Variants in NFKB1 observed in about 807,000 individuals in gnomAD.
The protein encoded by NFKB1 is nuclear factor NF-kappa-B p105 subunit.
A neutral mutation model predicts 105.1 loss-of-function variants in NFKB1; 9 were observed. That is an observed-to-expected ratio of 0.09 (90% CI 0.05 to 0.15). The LOEUF (loss-of-function observed/expected upper bound fraction) is 0.15, where lower values mean the gene tolerates loss of function less well. Ranked by LOEUF, NFKB1 falls within the 10% of genes least tolerant of loss-of-function variation. The probability of loss-of-function intolerance (pLI) is 1.00; values close to 1 mark genes in which losing one functional copy is unlikely to be tolerated. For missense variants in NFKB1, 830 were observed against 1,203.7 expected, an observed-to-expected ratio of 0.69 and a Z score of 4.59; for synonymous variants, 440 against 442.2, an observed-to-expected ratio of 1.00 and a Z score of 0.06.
chr4:102,606,098 TA>T (rs1054213949), intron 16 of NFKB1, among the ~76,000 whole-genome samples: 1 of 152,208 alleles, frequency 6.6e-6, no homozygotes, highest in African/African-American at 2.4e-5. Context: ...TTAAGACTTG[TA>T]AATATGAAAA....
chr4:102,575,044 A>G (rs1724702044), intron 6 of NFKB1, among the ~76,000 whole-genome samples: 1 of 152,198 alleles, frequency 6.6e-6, no homozygotes, highest in African/African-American at 2.4e-5. Flanking sequence ...GCCAAAAGAT[A>G]TAGGTATTGT....
At chr4:102,530,094 C>T (rs1186866711) in intron 3 of NFKB1, among the ~76,000 whole-genome samples, 180 bp downstream of exon 3, 2 of 152,196 alleles carry the variant, frequency 1.3e-5, no homozygotes, top group Non-Finnish European at 1.5e-5. Context: ...AATATTTCAT[C>T]TCAATTACCC....
chr4:102,575,647 ATGTTCATGTCT>A (rs972595737), intron 6 of NFKB1, among the ~76,000 whole-genome samples: 2 of 152,122 alleles, frequency 1.3e-5, no homozygotes, highest in Non-Finnish European at 2.9e-5. Flanking sequence ...CATCATTCAT[ATGTTCATGTCT>A]TCCCCATCGC....
At chr4:102,598,884 A>G (rs549067944) in intron 15 of NFKB1, among the ~76,000 whole-genome samples, 31 of 152,198 alleles carry the variant, frequency 2.0e-4, no homozygotes, top group Non-Finnish European at 1.0e-4. Context: ...ACCCAAGCAC[A>G]CTCACACAAG....
In NFKB1 at chr4:102,616,919, G is replaced by A. The variant is rs570824008; in HGVS notation, c.*325G>A. 72 of 196,050 alleles carry A rather than the reference G, an allele frequency of 3.7e-4. 2 individuals are homozygous for A. In the Middle Eastern group the frequency reaches 0.01, roughly 28 times the overall value. 12.1% of individuals were successfully genotyped at this position (196,050 alleles called of 1,614,324 possible). ...GTCATTGCTGTTGTCCCTCTGCTAC[G>A]TTCCTATTGTCATTAAAGGTATCAC... is the stretch of plus-strand genomic sequence containing the variant. On this transcript the variant is annotated 3_prime_UTR_variant, in exon 24 of 24. Coordinates refer to ENST00000226574, the MANE Select transcript of NFKB1 (RefSeq NM_003998.4).
intron 1 of NFKB1, among the ~76,000 whole-genome samples, chr4:102,512,921 A>G (rs34802427): frequency 9.7e-4 from 148 of 152,340 alleles, no homozygotes; most frequent in African/African-American, 3.2e-3. Flanking sequence ...ATAAAAATCT[A>G]AAGTCATATT....
At chr4:102,607,549 G>A in intron 18 of NFKB1, 100 bp from the exon 19 acceptor site, 1 of 1,294,446 alleles carries the variant, frequency 7.7e-7, no homozygotes, top group South Asian at 1.2e-5. Context: ...GTAGCAATTG[G>A]GCTAGTAATA....
chr4:102,511,441 G>T (rs57383933), intron 1 of NFKB1, among the ~76,000 whole-genome samples: 1 of 152,158 alleles, frequency 6.6e-6, no homozygotes, highest in African/African-American at 2.4e-5. Flanking sequence ...TCAGGAGGCC[G>T]AGAAGGGAGG....
chr4:102,565,306 A>G (rs1243109416), intron 5 of NFKB1, among the ~76,000 whole-genome samples: 1 of 152,162 alleles, frequency 6.6e-6, no homozygotes, highest in Non-Finnish European at 1.5e-5. Context: ...CAGCAGTTCT[A>G]GCCAAGTGCA....
intron 4 of NFKB1, among the ~76,000 whole-genome samples, chr4:102,536,554 C>CA (rs1377622128): frequency 6.6e-6 from 1 of 152,180 alleles, no homozygotes; most frequent in Admixed American, 6.5e-5. Context: ...CTGGACTGCT[C>CA]AGAGACTGCA....
At chr4:102,577,783 C>CA in intron 7 of NFKB1, 1 of 984,296 alleles carries the variant, frequency 1.0e-6, no homozygotes, top group Non-Finnish European at 1.2e-6. Context: ...GGCTGTGGTC[C>CA]AGCCATTCCG....
In NFKB1 at chr4:102,547,775, A is replaced by G. The variant is rs563538745; in HGVS notation, c.258+9819A>G. Among the ~76,000 whole-genome samples the G allele has an allele frequency of 1.8e-4, 27 of 152,248 alleles. No individual in the cohort carries two copies. In the East Asian group the frequency reaches 4.3e-3, roughly 24 times the overall value. On this transcript the variant is annotated intron_variant, in intron 5 of 23. Transcript: ENST00000226574. The stretch of plus-strand genomic sequence containing the variant: ...ACCAGTCTATTAATTTATTTTTAGT[A>G]CAGTCTCTCTAATCAGTATTGCTTC...
chr4:102,513,653 T>C (rs1020799967), intron 1 of NFKB1, among the ~76,000 whole-genome samples: 7 of 152,190 alleles, frequency 4.6e-5, no homozygotes, highest in Non-Finnish European at 8.8e-5. Context: ...CTACAGTCTA[T>C]TGATTCTAAG....
At chr4:102,559,222 G>A (rs570542265) in intron 5 of NFKB1, among the ~76,000 whole-genome samples, 8 of 152,168 alleles carry the variant, frequency 5.3e-5, no homozygotes, top group South Asian at 2.1e-4. Context: ...CCATTATAAC[G>A]ATTTTGTCTT....
intron 8 of NFKB1, 129 bp from the exon 9 acceptor site, chr4:102,580,406 T>G (rs1249814946): frequency 1.4e-6 from 1 of 708,032 alleles, no homozygotes; most frequent in Non-Finnish European, 2.5e-6. Context: ...TTTTATTTAC[T>G]TTGTTAGTGA....
chr4:102,617,222 T>C lies in NFKB1; in HGVS notation c.*628T>C, dbSNP rs1729022047. 1 of 152,582 alleles carries C rather than the reference T, an allele frequency of 6.6e-6. No individual in the cohort carries two copies. Among genetic ancestry groups the C allele is most frequent in the Admixed American group, 6.5e-5 (1 of 15,276 alleles). 9.5% of individuals were successfully genotyped at this position (152,582 alleles called of 1,614,324 possible). ...AATATGTTTTTTAGATCAAATACTT[T>C]AAAGGAAAAAATGTTGGATTTATAA... On this transcript the variant is annotated 3_prime_UTR_variant, in exon 24 of 24. Coordinates refer to ENST00000226574, the MANE Select transcript of NFKB1 (RefSeq NM_003998.4).
chr4:102,529,986 T>C, intron 3 of NFKB1, 72 bp downstream of exon 3: 1 of 1,124,194 alleles, frequency 8.9e-7, no homozygotes, highest in Non-Finnish European at 1.3e-6. Flanking sequence ...TTGTTAATAG[T>C]CTGTCCTAGA....
Position 102,596,155 on chromosome 4 carries a change from T to C in NFKB1, c.1318T>C (p.Ser440Pro), listed in dbSNP as rs951538664. The C allele has an allele frequency of 8.1e-6, 13 of 1,598,542 alleles. No individual in the cohort carries two copies. Among genetic ancestry groups the C allele is most frequent in the African/African-American group, 1.3e-5 (1 of 74,230 alleles). Reference protein sequence around the residue: ...GMKHGTMDTESKKDPEGCDKS... With the variant: ...GMKHGTMDTEPKKDPEGCDKS... ...TATCTTAGGAACCATGGACACTGAA[T>C]CTAAAAAGGACCCTGAAGGTTGTGA... Residue 440 changes from serine to proline, a missense_variant, in exon 14 of 24, where the codon TCT becomes CCT. Physicochemically the swap from Ser to Pro is moderately conservative, Grantham distance 74. Around this residue, in one of 8 missense-constraint regions of NFKB1, gnomAD observed 163 missense variants for 164.3 expected, o/e 0.99. Transcript: ENST00000226574.
chr4:102,508,737 T>G (rs1739590391), intron 1 of NFKB1, among the ~76,000 whole-genome samples: 1 of 152,120 alleles, frequency 6.6e-6, no homozygotes, highest in African/African-American at 2.4e-5. Context: ...TAAACCTGAG[T>G]CTTTTGAAAG....
Sources: allele counts gnomAD v4.1 joint callset (sites outside exome capture counted in the v4.1 genomes callset), GRCh38; gene constraint gnomAD v4.1.1; regional missense constraint gnomAD v4.1.1; transcripts MANE v1.5; gene names NCBI Gene and HGNC (gene_info 2026-07-23, HGNC 2026-07-21).